Variants in CCSER1 observed in about 807,000 individuals in gnomAD.
The protein encoded by CCSER1 is coiled-coil serine rich protein 1.
CCSER1 carries 41 observed loss-of-function variants against 82.0 expected under a neutral mutation model. The observed-to-expected ratio is 0.50, with a 90% confidence interval of 0.39 to 0.65. CCSER1 has a LOEUF of 0.65. CCSER1 is among the 30% of genes least tolerant of loss of function. CCSER1 has a pLI of 0.00. For synonymous variants in CCSER1, 414 were observed against 383.9 expected, an observed-to-expected ratio of 1.08 and a Z score of -0.92; for missense variants, 1,119 against 1,064.2, an observed-to-expected ratio of 1.05 and a Z score of -0.72.
intron 8 of CCSER1, among the ~76,000 whole-genome samples, chr4:90,873,567 T>C (rs1048258629): frequency 3.9e-5 from 6 of 152,236 alleles, no homozygotes; most frequent in African/African-American, 1.4e-4. Context: ...TGTAAACAAA[T>C]AATATTTTGA....
intron 1 of CCSER1, among the ~76,000 whole-genome samples, chr4:90,157,886 T>C (rs1025899834): frequency 3.9e-5 from 6 of 152,234 alleles, no homozygotes; most frequent in Non-Finnish European, 8.8e-5. Context: ...TCAAAGTCAT[T>C]CTCCGTCCAG....
chr4:90,775,155 C>T (rs1752730773), intron 7 of CCSER1, among the ~76,000 whole-genome samples: 1 of 152,134 alleles, frequency 6.6e-6, no homozygotes, highest in African/African-American at 2.4e-5. Flanking sequence ...AATTAACCCT[C>T]TCACATATCC....
At chr4:91,221,885 G>A in intron 10 of CCSER1, among the ~76,000 whole-genome samples, 1 of 151,958 alleles carries the variant, frequency 6.6e-6, no homozygotes, top group African/African-American at 2.4e-5. Flanking sequence ...ACTTATAAGA[G>A]CAAATTATGG....
chr4:90,859,767 G>C (rs942112978), intron 8 of CCSER1, among the ~76,000 whole-genome samples: 3 of 151,714 alleles, frequency 2.0e-5, no homozygotes, highest in African/African-American at 4.8e-5. Flanking sequence ...TTCTTTGCTA[G>C]AATCAAGATA....
At chr4:90,492,426 G>C (rs1052073185) in intron 5 of CCSER1, among the ~76,000 whole-genome samples, 1 of 151,694 alleles carries the variant, frequency 6.6e-6, no homozygotes, top group Non-Finnish European at 1.5e-5. Context: ...TTATTAGTCT[G>C]GCTAGGAGAC....
At chr4:91,068,503 T>C (rs1325332551) in intron 9 of CCSER1, among the ~76,000 whole-genome samples, 1 of 152,206 alleles carries the variant, frequency 6.6e-6, no homozygotes, top group Non-Finnish European at 1.5e-5. Context: ...AGCAGTGGAT[T>C]TTAACACAAT....
At chr4:91,442,263 C>CAAAACAGCATGGTACTGGTAT (rs1560675060) in intron 10 of CCSER1, among the ~76,000 whole-genome samples, 6 of 151,374 alleles carry the variant, frequency 4.0e-5, no homozygotes. Context: ...GGTACTGGTA[C>CAAAACAGCATGGTACTGGTAT]CAAAACAGAG....
intron 9 of CCSER1, among the ~76,000 whole-genome samples, chr4:91,078,146 A>G (rs936547370): frequency 6.6e-6 from 1 of 152,192 alleles, no homozygotes; most frequent in African/African-American, 2.4e-5. Flanking sequence ...CTGCCTCCTC[A>G]AGCAGGTTCC....
chr4:91,041,236 C>G (rs969208787), intron 9 of CCSER1, among the ~76,000 whole-genome samples: 2 of 152,122 alleles, frequency 1.3e-5, no homozygotes, highest in Admixed American at 1.3e-4. Context: ...TCATCCCTGA[C>G]TTAGAAGGTT....
chr4:91,218,088 A>C (rs1343309730), intron 10 of CCSER1, among the ~76,000 whole-genome samples: 2 of 152,156 alleles, frequency 1.3e-5, no homozygotes, highest in Admixed American at 6.5e-5. Flanking sequence ...TCAGGCATGG[A>C]GGGCTGCAGG....
At chr4:91,280,994 G>A (rs1253692252) in intron 10 of CCSER1, among the ~76,000 whole-genome samples, 2 of 152,118 alleles carry the variant, frequency 1.3e-5, no homozygotes, top group Non-Finnish European at 2.9e-5. Context: ...CAATGTCATT[G>A]GGTGGTCTCT....
intron 5 of CCSER1, among the ~76,000 whole-genome samples, chr4:90,483,080 G>C (rs980781579): frequency 1.3e-5 from 2 of 152,128 alleles, no homozygotes; most frequent in African/African-American, 2.4e-5. Flanking sequence ...TATATATTTA[G>C]GATAGTTAGT....
At chr4:90,572,593 T>C (rs558791275) in intron 5 of CCSER1, among the ~76,000 whole-genome samples, 3 of 151,166 alleles carry the variant, frequency 2.0e-5, no homozygotes, top group South Asian at 2.1e-4. Flanking sequence ...TTATTATTAT[T>C]ATCTTGTTGG....
At position 90,379,659 on chromosome 4, in the gene CCSER1, A is replaced by G. The variant is rs184826176; in HGVS notation, c.1510-20377A>G. Among the ~76,000 whole-genome samples, 7 of 152,332 alleles carry G rather than the reference A, an allele frequency of 4.6e-5. No individual in the cohort carries two copies. In the East Asian group the frequency reaches 1.2e-3, roughly 25 times the overall value. ...AGTTAAGGTGTTATGACTGAAATCT[A>G]TAAAATAAAGAAATGGCAATTTAAC... On this transcript the variant is annotated intron_variant, in intron 3 of 10. Transcript: ENST00000509176.
At chr4:90,488,994 G>A (rs974884804) in intron 5 of CCSER1, among the ~76,000 whole-genome samples, 1 of 152,110 alleles carries the variant, frequency 6.6e-6, no homozygotes, top group African/African-American at 2.4e-5. Context: ...TCTCTACACA[G>A]AATCATAAAT....
chr4:90,938,246 A>G (rs941108405), intron 9 of CCSER1, among the ~76,000 whole-genome samples: 1 of 152,080 alleles, frequency 6.6e-6, no homozygotes, highest in African/African-American at 2.4e-5. Context: ...AGTACTTTGG[A>G]TGGTGACTAC....
chr4:90,210,621 T>G (rs972105069), intron 1 of CCSER1, among the ~76,000 whole-genome samples: 1 of 152,018 alleles, frequency 6.6e-6, no homozygotes, highest in African/African-American at 2.4e-5. Flanking sequence ...TTTTTTAAAT[T>G]ATTTGTAGAG....
chr4:91,083,447 T>C (rs1235191523), intron 9 of CCSER1, among the ~76,000 whole-genome samples: 2 of 152,068 alleles, frequency 1.3e-5, no homozygotes, highest in Non-Finnish European at 1.5e-5. Context: ...TTAGGAGATA[T>C]ACCTAATGTA....
intron 1 of CCSER1, among the ~76,000 whole-genome samples, chr4:90,244,154 CA>C (rs1720982276): frequency 6.6e-6 from 1 of 152,230 alleles, no homozygotes; most frequent in African/African-American, 2.4e-5. Flanking sequence ...AGGCTGCACA[CA>C]GAGGTTATTT....
Sources: gnomAD v4.1 joint callset for allele counts (sites outside exome capture counted in the v4.1 genomes callset) on GRCh38, gnomAD v4.1.1 for gene constraint, MANE v1.5 for transcripts, NCBI Gene and HGNC (gene_info 2026-07-23, HGNC 2026-07-21) for gene names.